C4BPA: variants seen among roughly 807,000 people sequenced by gnomAD.
C4BPA encodes the protein C4b-binding protein alpha chain.
A neutral mutation model predicts 63.7 loss-of-function variants in C4BPA; 31 were observed. The ratio of observed to expected loss-of-function variants is 0.49; its 90% CI spans 0.37 to 0.66. C4BPA has a LOEUF of 0.66. C4BPA is among the 30% of genes least tolerant of loss of function. The pLI is 0.00. For synonymous variants in C4BPA, 259 were observed against 254.7 expected (o/e 1.02, Z -0.16); for missense variants, 572 against 723.3 (o/e 0.79, Z 2.40).
At chr1:207,136,968 T>C (rs894335226) in intron 9 of C4BPA, among the ~76,000 whole-genome samples, 8 of 152,208 alleles carry the variant, frequency 5.3e-5, no homozygotes, top group African/African-American at 1.7e-4. Flanking sequence ...CCTATACATC[T>C]CTTAGTGACT....
At chr1:207,128,239 C>T (rs1012815541) in intron 7 of C4BPA, among the ~76,000 whole-genome samples, 10 of 152,166 alleles carry the variant, frequency 6.6e-5, no homozygotes, top group South Asian at 2.1e-4. Flanking sequence ...CCCAGCTCTG[C>T]GCTGTGGAAT....
At chr1:207,114,057 C>T (rs1293431902) in intron 2 of C4BPA, 43 bp from the exon 3 acceptor site, 3 of 1,533,074 alleles carry the variant, frequency 2.0e-6, no homozygotes, top group South Asian at 2.3e-5. Context: ...ATGCTGTGTC[C>T]CAAGGTATAA....
intron 9 of C4BPA, among the ~76,000 whole-genome samples, chr1:207,140,474 C>T (rs1003394316): frequency 6.6e-6 from 1 of 151,180 alleles, no homozygotes; most frequent in Non-Finnish European, 1.5e-5. Context: ...TGGTATAGTA[C>T]TTTGTCCGAC....
chr1:207,132,495 A>C (rs1253462842), intron 8 of C4BPA, among the ~76,000 whole-genome samples: 1 of 152,202 alleles, frequency 6.6e-6, no homozygotes, highest in Non-Finnish European at 1.5e-5. Context: ...AATTTCAACA[A>C]TCTGTGAAAT....
chr1:207,137,361 T>C (rs924857383), intron 9 of C4BPA, among the ~76,000 whole-genome samples: 2 of 152,234 alleles, frequency 1.3e-5, no homozygotes, highest in African/African-American at 4.8e-5. Context: ...TGATGACATG[T>C]GGCCAAGGTG....
At chr1:207,129,011 T>A (rs1685107199) in intron 7 of C4BPA, among the ~76,000 whole-genome samples, 1 of 152,154 alleles carries the variant, frequency 6.6e-6, no homozygotes, top group African/African-American at 2.4e-5. Flanking sequence ...ATTATAAATA[T>A]GTCCCAAGAA....
chr1:207,115,019 T>A (rs1417897565), intron 3 of C4BPA, among the ~76,000 whole-genome samples: 1 of 152,272 alleles, frequency 6.6e-6, no homozygotes, highest in Admixed American at 6.5e-5. Flanking sequence ...CATTCTGTGA[T>A]GTTTTCCAAT....
chr1:207,106,197 G>A (rs573896747), intron 1 of C4BPA, among the ~76,000 whole-genome samples: 1 of 152,250 alleles, frequency 6.6e-6, no homozygotes, highest in South Asian at 2.1e-4. Context: ...GGGACCACCA[G>A]GAGTAGTTAT....
chr1:207,119,928 C>G (rs905654084), intron 4 of C4BPA, among the ~76,000 whole-genome samples: 3 of 152,224 alleles, frequency 2.0e-5, no homozygotes, highest in African/African-American at 7.2e-5. Context: ...CCAATGGGGT[C>G]ACCTAAACTT....
intron 4 of C4BPA, among the ~76,000 whole-genome samples, chr1:207,118,071 T>C (rs373501317): frequency 1.5e-3 from 236 of 152,330 alleles, no homozygotes; most frequent in African/African-American, 5.4e-3. Context: ...TTTTGGTATT[T>C]TAAATGGATT....
In C4BPA at chr1:207,126,632, T is replaced by C; in HGVS notation, c.707-81T>C. 4.0e-6 allele frequency: 4 copies of C among 1,008,500 alleles called. 1 individual carries two copies. The highest frequency in any genetic ancestry group is 3.1e-5 in the South Asian group (2 of 64,318). 62.5% of individuals were successfully genotyped at this position (1,008,500 alleles called of 1,614,324 possible). ...TCAACAGGCATTTGTGTTGCACTTG[T>C]AACTGGATTAGCAGTGGCAGTAATA... On this transcript the variant is annotated intron_variant, in intron 6 of 11. Coordinates refer to ENST00000367070, the MANE Select transcript of C4BPA (RefSeq NM_000715.4).
chr1:207,142,232 C>T (rs542521222), intron 10 of C4BPA, among the ~76,000 whole-genome samples: 1 of 152,312 alleles, frequency 6.6e-6, no homozygotes, highest in East Asian at 1.9e-4. Context: ...ATCCATGTCC[C>T]TGCAAAGGAC....
At chr1:207,140,294 G>A (rs1352756482) in intron 9 of C4BPA, among the ~76,000 whole-genome samples, 2 of 152,134 alleles carry the variant, frequency 1.3e-5, no homozygotes, top group Non-Finnish European at 2.9e-5. Flanking sequence ...GCGTTTTTCA[G>A]TGTACACAAA....
rs1684701011 is a variant in C4BPA, at chr1:207,113,007, A to G, written c.-19A>G. ...AATTGAGTTCTTTCAGCAGAAAAAC[A>G]TCAGCGAAGCAGCAGGCCATGCACC... On this transcript the variant is annotated 5_prime_UTR_variant, in exon 2 of 12. Transcript: ENST00000367070. 1.3e-6 allele frequency: 2 copies of G among 1,557,466 alleles called. No individual in the cohort carries two copies. Among genetic ancestry groups the G allele is most frequent in the South Asian group, 2.5e-5 (2 of 81,344 alleles).
chr1:207,127,669 C>T (rs1685075708), intron 7 of C4BPA, among the ~76,000 whole-genome samples: 1 of 152,178 alleles, frequency 6.6e-6, no homozygotes, highest in Non-Finnish European at 1.5e-5. Flanking sequence ...ATCCACCAAG[C>T]TGGTCAAAAT....
intron 8 of C4BPA, among the ~76,000 whole-genome samples, chr1:207,133,930 A>C (rs780651708): frequency 9.9e-5 from 15 of 152,200 alleles, no homozygotes; most frequent in Non-Finnish European, 1.9e-4. Flanking sequence ...TTTAATAATG[A>C]AGCCATAAGT....
chr1:207,133,758 C>T (rs770622359), intron 8 of C4BPA, among the ~76,000 whole-genome samples: 4 of 152,110 alleles, frequency 2.6e-5, no homozygotes, highest in Admixed American at 6.6e-5. Context: ...CAAGATCTTG[C>T]CATTTAAATG....
rs186265552 is a variant in C4BPA, at chr1:207,141,005, G to A, written c.1274-101G>A. 9.7e-5 allele frequency: 84 copies of A among 865,494 alleles called. No homozygotes were observed. In the East Asian group the frequency reaches 2.0e-3, roughly 21 times the overall value. 53.6% of individuals were successfully genotyped at this position (865,494 alleles called of 1,614,324 possible). ...GCTCTTACAGGCAGCGAGGATAGAA[G>A]GACAGAATGAAGCCTCCTACAAACT... On this transcript the variant is annotated intron_variant, in intron 9 of 11. Transcript: ENST00000367070.
Position 207,141,138 on chromosome 1 carries a change from C to A in C4BPA, c.1306C>A (p.His436Asn). 1 of 1,612,176 alleles carries A rather than the reference C, an allele frequency of 6.2e-7. No individual in the cohort carries two copies. Among genetic ancestry groups the A allele is most frequent in the South Asian group, 1.1e-5 (1 of 90,828 alleles). The change falls in exon 10 of 12, where the codon CAT becomes AAT. Residue 436 changes from histidine (H) to asparagine (N), a missense_variant. Physicochemically the swap from His to Asn is moderately conservative, Grantham distance 68 (BLOSUM62 1). This residue lies in a region of C4BPA where 465 missense variants were observed against 629.4 expected (regional missense o/e 0.74). Transcript: ENST00000367070. ...CNFPPKIAHG[H>N]YKQSSSYSFF... ...TTTTCCTCCTAAAATTGCCCATGGG[C>A]ATTATAAACAATCTAGTTCATACAG...
Sources: gnomAD v4.1 joint callset for allele counts (sites outside exome capture counted in the v4.1 genomes callset) on GRCh38, gnomAD v4.1.1 for gene constraint, gnomAD v4.1.1 regional missense constraint, MANE v1.5 for transcripts, NCBI Gene and HGNC (gene_info 2026-07-23, HGNC 2026-07-21) for gene names.